BRINP2: variants seen among roughly 807,000 people sequenced by gnomAD.
BRINP2 encodes the protein BMP/retinoic acid-inducible neural-specific protein 2.
In BRINP2, 21 loss-of-function variants were observed where a neutral mutation model predicts 69.2. That is an observed-to-expected ratio of 0.30 (90% CI 0.22 to 0.44). The LOEUF is 0.44. BRINP2 is among the 20% of genes least tolerant of loss of function. The pLI, the probability that BRINP2 is intolerant of heterozygous loss-of-function variation, is 1.00. For missense variants in BRINP2, 877 were observed against 986.0 expected, an observed-to-expected ratio of 0.89 and a Z score of 1.48; for synonymous variants, 380 against 394.1, an observed-to-expected ratio of 0.96 and a Z score of 0.42.
At chr1:177,266,521 A>G (rs749556725) in intron 4 of BRINP2, among the ~76,000 whole-genome samples, 9 of 152,138 alleles carry the variant, frequency 5.9e-5, no homozygotes, top group Non-Finnish European at 1.2e-4. Context: ...GCACTTTGGG[A>G]GGCCGAGGAG....
chr1:177,179,577 ACT>A (rs1648188831), intron 1 of BRINP2, among the ~76,000 whole-genome samples: 1 of 151,870 alleles, frequency 6.6e-6, no homozygotes, highest in Non-Finnish European at 1.5e-5. Context: ...GCACACACAC[ACT>A]CTTTCTCTCA....
intron 1 of BRINP2, among the ~76,000 whole-genome samples, chr1:177,200,690 T>TTTATATAGAGTG (rs1648885828): frequency 6.6e-6 from 1 of 152,186 alleles, no homozygotes; most frequent in Non-Finnish European, 1.5e-5. Context: ...ACACCCCGTC[T>TTTATATAGAGTG]CTCCTTGCCC....
intron 1 of BRINP2, among the ~76,000 whole-genome samples, chr1:177,210,756 A>ATTT (rs1649198845): frequency 6.6e-6 from 1 of 151,886 alleles, no homozygotes; most frequent in African/African-American, 2.4e-5. Flanking sequence ...ATCTAAATAG[A>ATTT]GAATCAAAAC....
At chr1:177,188,008 A>G (rs1340061201) in intron 1 of BRINP2, among the ~76,000 whole-genome samples, 2 of 152,224 alleles carry the variant, frequency 1.3e-5, no homozygotes, top group Non-Finnish European at 2.9e-5. Flanking sequence ...TTTCTTATCA[A>G]TAGAGATAAT....
Position 177,281,738 on chromosome 1 carries a change from ACT to A in BRINP2, c.*211_*212del, listed in dbSNP as rs1170906650. The A allele has an allele frequency of 2.0e-6, 1 of 501,696 alleles. No homozygotes were observed. The highest frequency in any genetic ancestry group is 1.9e-5 in the African/African-American group (1 of 51,318). The allele number at this position is 501,696 out of a possible 1,614,324, so 31.1% of individuals were successfully genotyped here. A position where few individuals can be genotyped will look rare whatever the true frequency, so the allele number is the denominator to read the frequency against. On this transcript the variant is annotated 3_prime_UTR_variant, in exon 8 of 8. Transcript: ENST00000361539. ...CACGCATACACACACACACACACAC[ACT>A]GGCACAGGGAGGCTACAACTAAGCA...
chr1:177,218,057 A>T (rs1452299472), intron 1 of BRINP2, among the ~76,000 whole-genome samples: 1 of 152,172 alleles, frequency 6.6e-6, no homozygotes, highest in African/African-American at 2.4e-5. Context: ...AGGTGTGGGG[A>T]TGGGCTTTGA....
intron 1 of BRINP2, among the ~76,000 whole-genome samples, chr1:177,182,093 A>T (rs1403843525): frequency 6.6e-6 from 1 of 151,670 alleles, no homozygotes; most frequent in Non-Finnish European, 1.5e-5. Context: ...TAAGCTGATT[A>T]GTCCTGGTGC....
chr1:177,244,446 C>G (rs1650309839), intron 2 of BRINP2, among the ~76,000 whole-genome samples: 1 of 152,120 alleles, frequency 6.6e-6, no homozygotes, highest in Non-Finnish European at 1.5e-5. Flanking sequence ...GCATACAAAA[C>G]AGCAAAATTC....
In BRINP2 at chr1:177,247,631, G is replaced by T. The variant is rs566597834; in HGVS notation, c.270-8288G>T. On this transcript the variant is annotated intron_variant, in intron 2 of 7. Transcript: ENST00000361539. ...CCTTTTGAGCACTAAAAGTTGGAGGGGGTGCCCCCAAAAGATAGATCATTG... is the reference window on the plus strand; with the variant it reads ...CCTTTTGAGCACTAAAAGTTGGAGGTGGTGCCCCCAAAAGATAGATCATTG... Among the ~76,000 whole-genome samples the T allele has an allele frequency of 2.0e-5, 3 of 152,292 alleles. No individual in the cohort carries two copies. In the East Asian group the frequency reaches 5.8e-4, roughly 29 times the overall value.
intron 5 of BRINP2, 59 bp from the exon 6 acceptor site, chr1:177,276,139 T>C (rs1027026768): frequency 5.6e-5 from 84 of 1,501,468 alleles, no homozygotes; most frequent in Middle Eastern, 5.2e-4. Context: ...GGCTTGGGCA[T>C]GGGAAACTGA....
chr1:177,266,758 TAAA>T (rs1223096305), intron 4 of BRINP2, among the ~76,000 whole-genome samples: 2 of 59,350 alleles, frequency 3.4e-5, no homozygotes, highest in Admixed American at 2.1e-4. Flanking sequence ...AGACTCACTC[TAAA>T]AAAAAAAAAA....
chr1:177,212,918 T>C (rs1467286680), intron 1 of BRINP2, among the ~76,000 whole-genome samples: 1 of 152,226 alleles, frequency 6.6e-6, no homozygotes, highest in East Asian at 1.9e-4. Context: ...CACTGGGCAC[T>C]ACTGGGTATA....
At chr1:177,241,876 C>T (rs183851168) in intron 2 of BRINP2, among the ~76,000 whole-genome samples, 26 of 152,256 alleles carry the variant, frequency 1.7e-4, no homozygotes, top group Admixed American at 1.6e-3. Flanking sequence ...CTCAGTGCTT[C>T]GAGGAACGTT....
At chr1:177,176,880 A>G (rs79789259) in intron 1 of BRINP2, among the ~76,000 whole-genome samples, 1 of 152,082 alleles carries the variant, frequency 6.6e-6, no homozygotes, top group East Asian at 1.9e-4. Flanking sequence ...TTTTATCCTA[A>G]TATTTTCGAG....
Position 177,281,143 on chromosome 1 carries a change from G to T in BRINP2, c.1967G>T (p.Ser656Ile). 6.2e-7 allele frequency: 1 copy of T among 1,614,230 alleles called. No individual in the cohort carries two copies. ...AGCCGAATCAAGTCCCTGGATGACA[G>T]CTCCAATGAGACAATCTACTATGAG... ...LRSRIKSLDD[S>I]SNETIYYEPL... The change falls in exon 8 of 8, where the codon AGC becomes ATC. Residue 656 changes from serine to isoleucine, a missense_variant. Physicochemically the swap from Ser to Ile is moderately radical, Grantham distance 142. This residue lies in a region of BRINP2 where 225 missense variants were observed against 218.7 expected (regional missense o/e 1.03). Coordinates refer to ENST00000361539, the MANE Select transcript of BRINP2 (RefSeq NM_021165.4).
At chr1:177,220,693 A>G (rs1264739356) in intron 1 of BRINP2, among the ~76,000 whole-genome samples, 1 of 152,138 alleles carries the variant, frequency 6.6e-6, no homozygotes, top group African/African-American at 2.4e-5. Flanking sequence ...TACACCTTAG[A>G]TGGACATGCG....
rs192533047 is a variant in BRINP2, at chr1:177,189,008, G to A, written c.-77+17276G>A. Among the ~76,000 whole-genome samples, 221 of 152,144 alleles carry A rather than the reference G, an allele frequency of 1.5e-3. 1 individual carries two copies. Among genetic ancestry groups the A allele is most frequent in the African/African-American group, 5.2e-3 (214 of 41,492 alleles). ...GGTACACACTAATAGTAGAGAAATCGGTAGCTCAAGAGGGTTCTTGGAGAG... is the reference window on the plus strand; with the variant it reads ...GGTACACACTAATAGTAGAGAAATCAGTAGCTCAAGAGGGTTCTTGGAGAG... On this transcript the variant is annotated intron_variant, in intron 1 of 7. Transcript: ENST00000361539.
chr1:177,215,688 T>C (rs921122361), intron 1 of BRINP2, among the ~76,000 whole-genome samples: 11 of 152,192 alleles, frequency 7.2e-5, no homozygotes, highest in African/African-American at 2.4e-4. Flanking sequence ...TTTTACATAT[T>C]TCTCTTCCCT....
intron 3 of BRINP2, 170 bp from the exon 4 acceptor site, chr1:177,257,006 T>C (rs1436548574): frequency 6.6e-7 from 1 of 1,521,198 alleles, no homozygotes; most frequent in South Asian, 1.2e-5. Context: ...GGCCTGTGGC[T>C]CCCTCTGATG....
Sources: gnomAD v4.1 joint callset for allele counts (sites outside exome capture counted in the v4.1 genomes callset) on GRCh38, gnomAD v4.1.1 for gene constraint, gnomAD v4.1.1 regional missense constraint, MANE v1.5 for transcripts, NCBI Gene and HGNC (gene_info 2026-07-23, HGNC 2026-07-21) for gene names.